Variants in GPHN observed in about 807,000 individuals in gnomAD.
The protein encoded by GPHN is gephyrin.
GPHN carries 17 observed loss-of-function variants against 95.5 expected under a neutral mutation model. The ratio of observed to expected loss-of-function variants is 0.18; its 90% CI spans 0.12 to 0.27. The LOEUF (loss-of-function observed/expected upper bound fraction) is 0.27. Ranked by LOEUF, GPHN falls within the 10% of genes least tolerant of loss-of-function variation. GPHN has a pLI of 1.00. For synonymous variants in GPHN, 320 were observed against 322.5 expected, an observed-to-expected ratio of 0.99 and a Z score of 0.08; for missense variants, 660 against 978.1, an observed-to-expected ratio of 0.67 and a Z score of 4.34.
the GPHN span, among the ~76,000 whole-genome samples, chr14:67,504,895 CAAAACA>C: frequency 2.0e-5 from 3 of 151,702 alleles, no homozygotes; most frequent in African/African-American, 7.3e-5. Flanking sequence ...TCAAACAAAA[CAAAACA>C]AAAACAAAAA....
chr14:66,611,857 T>G (rs1423005578), intron 1 of GPHN, among the ~76,000 whole-genome samples: 1 of 152,146 alleles, frequency 6.6e-6, no homozygotes, highest in Non-Finnish European at 1.5e-5. Flanking sequence ...TTCCATACTA[T>G]TCTTCACTGC....
At chr14:66,746,149 A>G (rs57041856) in intron 2 of GPHN, among the ~76,000 whole-genome samples, 17 of 152,310 alleles carry the variant, frequency 1.1e-4, no homozygotes, top group African/African-American at 4.1e-4. Flanking sequence ...ATATTTGTAT[A>G]TAAGTTTTGG....
At chr14:67,333,037 A>G in the GPHN span, 1 of 1,262,924 alleles carries the variant, frequency 7.9e-7, no homozygotes, top group East Asian at 2.4e-5. Flanking sequence ...CTGCAGCAAG[A>G]TTGAGGATAA....
At chr14:66,880,059 A>G in intron 5 of GPHN, 26 bp downstream of exon 5, 1 of 1,369,022 alleles carries the variant, frequency 7.3e-7, no homozygotes, top group Non-Finnish European at 1.0e-6. Context: ...ACATGTTGCA[A>G]ACCATTTGCT....
the GPHN span, chr14:67,588,043 C>A: frequency 6.6e-6 from 1 of 152,562 alleles, no homozygotes; most frequent in African/African-American, 2.4e-5. Flanking sequence ...TCATTTTTCC[C>A]CATTATTGGT....
the GPHN span, chr14:67,589,670 T>C: frequency 1.0e-6 from 1 of 990,714 alleles, no homozygotes; most frequent in Non-Finnish European, 1.2e-6. Flanking sequence ...GCTTGTTTTT[T>C]TCGTAACTTT....
chr14:66,567,215 G>A (rs896702015), intron 1 of GPHN, among the ~76,000 whole-genome samples: 1 of 152,172 alleles, frequency 6.6e-6, no homozygotes, highest in African/African-American at 2.4e-5. Flanking sequence ...GTTGGAGAAA[G>A]TGGAGACTCC....
the GPHN span, among the ~76,000 whole-genome samples, chr14:67,480,387 A>G: frequency 3.3e-5 from 5 of 152,196 alleles, no homozygotes; most frequent in Non-Finnish European, 7.3e-5. Flanking sequence ...GGGAGACTGA[A>G]GGTGAGCCTC....
intron 11 of GPHN, among the ~76,000 whole-genome samples, chr14:67,076,855 G>A (rs2076515740): frequency 6.6e-6 from 1 of 152,016 alleles, no homozygotes; most frequent in African/African-American, 2.4e-5. Flanking sequence ...CTCCACTCTC[G>A]ATTCATATAA....
At chr14:67,507,830 C>G in the GPHN span, among the ~76,000 whole-genome samples, 1 of 152,176 alleles carries the variant, frequency 6.6e-6, no homozygotes, top group Non-Finnish European at 1.5e-5. Flanking sequence ...AGCTGCCCCA[C>G]TGAAGCGGTT....
At chr14:67,645,696 T>C in the GPHN span, 1 of 1,614,076 alleles carries the variant, frequency 6.2e-7, no homozygotes, top group Non-Finnish European at 8.5e-7. Context: ...GACCTTTGTG[T>C]TGTCTGGGTT....
At chr14:67,544,890 T>C in the GPHN span, among the ~76,000 whole-genome samples, 1 of 152,220 alleles carries the variant, frequency 6.6e-6, no homozygotes, top group African/African-American at 2.4e-5. Context: ...GTCCTGTATC[T>C]ATCAAGTAAG....
At chr14:66,995,422 A>G (rs1277741666) in intron 9 of GPHN, among the ~76,000 whole-genome samples, 1 of 152,186 alleles carries the variant, frequency 6.6e-6, no homozygotes, top group Non-Finnish European at 1.5e-5. Flanking sequence ...TTGCCATTAT[A>G]TTGTAGAAAG....
rs1253075683 is a variant in GPHN, at chr14:66,683,975, CA to C, written c.143+2805del. On this transcript the variant is annotated intron_variant, in intron 2 of 22. Transcript: ENST00000478722. ...TGGGCAACAGAGCAAGACTCCGTCT[CA>C]AAAAAAAAAAAAAACTCCTCCTCAA... Among the ~76,000 whole-genome samples, 620 of 107,174 alleles carry C rather than the reference CA, an allele frequency of 5.8e-3. 2 individuals are homozygous for C. The highest frequency in any genetic ancestry group is 0.015 in the African/African-American group (438 of 29,936). 70.3% of individuals were successfully genotyped at this position (107,174 alleles called of 152,430 possible).
chr14:66,538,435 ATG>A (rs1454548715), intron 1 of GPHN, among the ~76,000 whole-genome samples: 26 of 150,410 alleles, frequency 1.7e-4, no homozygotes, highest in Non-Finnish European at 2.1e-4. Flanking sequence ...ACTGTCCCAC[ATG>A]TCTCATGTGG....
chr14:66,632,598 T>C (rs924848993), intron 1 of GPHN, among the ~76,000 whole-genome samples: 6 of 151,542 alleles, frequency 4.0e-5, no homozygotes, highest in Admixed American at 1.3e-4. Flanking sequence ...GTTCAAGTGA[T>C]TCTTCTGCCT....
At chr14:66,838,146 A>G (rs1196049026) in intron 4 of GPHN, among the ~76,000 whole-genome samples, 1 of 152,178 alleles carries the variant, frequency 6.6e-6, no homozygotes, top group Admixed American at 6.6e-5. Context: ...GTGCAACCCC[A>G]TGCAATTTAC....
the GPHN span, among the ~76,000 whole-genome samples, chr14:67,453,542 G>T: frequency 6.6e-6 from 1 of 152,214 alleles, no homozygotes; most frequent in Non-Finnish European, 1.5e-5. Context: ...TGTATAAATA[G>T]ATTTTAGCTG....
chr14:67,364,678 T>G, the GPHN span: 1 of 1,328,680 alleles, frequency 7.5e-7, no homozygotes, highest in Admixed American at 2.8e-5. Context: ...TTCTTCATCT[T>G]TTCTTTCAGT....
Sources: allele counts gnomAD v4.1 joint callset (sites outside exome capture counted in the v4.1 genomes callset), GRCh38; gene constraint gnomAD v4.1.1; transcripts MANE v1.5; gene names NCBI Gene and HGNC (gene_info 2026-07-23, HGNC 2026-07-21).